The following SLC2A9 variants were observed in gnomAD, a reference collection of about 807,000 sequenced individuals.
The protein encoded by SLC2A9 is solute carrier family 2 member 9, also known as solute carrier family 2, facilitated glucose transporter member 9.
Under a neutral mutation model 50.6 loss-of-function variants are expected in SLC2A9, and 39 were observed. The observed-to-expected ratio is 0.77, with a 90% CI of 0.60 to 1.01. The LOEUF (loss-of-function observed/expected upper bound fraction) is 1.01. SLC2A9 is among the 50% of genes least tolerant of loss of function. SLC2A9 has a pLI of 0.00. For synonymous variants in SLC2A9, 324 were observed against 276.9 expected, an observed-to-expected ratio of 1.17 and a Z score of -1.69; for missense variants, 686 against 677.6, an observed-to-expected ratio of 1.01 and a Z score of -0.14.
chr4:9,893,094 T>C (rs950084965), intron 8 of SLC2A9, among the ~76,000 whole-genome samples: 1 of 152,218 alleles, frequency 6.6e-6, no homozygotes, highest in Admixed American at 6.5e-5. Context: ...TTTTCTGTTG[T>C]TGTGACATTA....
At chr4:10,007,099 G>A (rs954430149) in intron 2 of SLC2A9, among the ~76,000 whole-genome samples, 1 of 152,202 alleles carries the variant, frequency 6.6e-6, no homozygotes, top group African/African-American at 2.4e-5. Flanking sequence ...CCACCACTGT[G>A]ATCAGTCATA....
upstream of SLC2A9, among the ~76,000 whole-genome samples, chr4:10,024,815 G>A (rs1229371542): frequency 6.6e-6 from 1 of 152,240 alleles, no homozygotes; most frequent in Non-Finnish European, 1.5e-5. Flanking sequence ...GCAGGGAAGA[G>A]TTGGAAAAGA....
intron 5 of SLC2A9, among the ~76,000 whole-genome samples, chr4:9,959,305 T>C (rs1169810091): frequency 6.7e-6 from 1 of 149,688 alleles, no homozygotes; most frequent in Non-Finnish European, 1.5e-5. Flanking sequence ...GGCAGGAGAA[T>C]CACCTGAACC....
rs192087544 is a variant in SLC2A9 at position 9,832,322 on chromosome 4, C to G, written c.1419+2559G>C. 2.9e-3 allele frequency among the ~76,000 whole-genome samples: 444 copies of G among 152,282 alleles called. 2 individuals are homozygous for G. Among genetic ancestry groups the G allele is most frequent in the African/African-American group, 0.01 (419 of 41,556 alleles). On this transcript the variant is annotated intron_variant, in intron 11 of 11. Coordinates refer to ENST00000264784, the MANE Select transcript of SLC2A9 (RefSeq NM_020041.3). ...ATGCATTGATCATTGCTCACAGCAG[C>G]CCCCTGAGCCCAGCTCTCTAACTTG... is the stretch of plus-strand genomic sequence containing the variant.
intron 10 of SLC2A9, among the ~76,000 whole-genome samples, chr4:9,882,518 C>A (rs1337031609): frequency 1.3e-5 from 2 of 151,942 alleles, no homozygotes; most frequent in Non-Finnish European, 2.9e-5. Flanking sequence ...ACCATCCTGG[C>A]TAACACAGTG....
intron 4 of SLC2A9, among the ~76,000 whole-genome samples, chr4:9,981,233 T>A (rs796605560): frequency 6.1e-4 from 1 of 1,634 alleles, no homozygotes; most frequent in African/African-American, 2.2e-3. Context: ...TGGTGATGAC[T>A]GTGATGATGG....
At chr4:9,811,614 C>T (rs1189859675) in intron 3 of SLC2A9, among the ~76,000 whole-genome samples, 1 of 152,126 alleles carries the variant, frequency 6.6e-6, no homozygotes, top group Non-Finnish European at 1.5e-5. Flanking sequence ...CACCACCTGG[C>T]CACAAATGAC....
At chr4:9,824,043 C>T (rs929830226), downstream of SLC2A9, among the ~76,000 whole-genome samples, 6 of 152,064 alleles carry the variant, frequency 3.9e-5, no homozygotes, top group East Asian at 3.9e-4. Context: ...ATCCCCAATG[C>T]GGCAGTATTG....
At chr4:9,956,388 G>A (rs1578074337) in intron 5 of SLC2A9, among the ~76,000 whole-genome samples, 1 of 152,026 alleles carries the variant, frequency 6.6e-6, no homozygotes, top group Non-Finnish European at 1.5e-5. Flanking sequence ...GCTGAGGCAG[G>A]AGAATGGCGT....
At chr4:9,883,806 C>T (rs771147658) in intron 10 of SLC2A9, among the ~76,000 whole-genome samples, 6 of 152,174 alleles carry the variant, frequency 3.9e-5, no homozygotes, top group African/African-American at 9.7e-5. Context: ...CCTGCAAATA[C>T]GTCCTGACAA....
chr4:9,832,996 G>A (rs1015511805), intron 11 of SLC2A9, among the ~76,000 whole-genome samples: 1 of 152,190 alleles, frequency 6.6e-6, no homozygotes, highest in Non-Finnish European at 1.5e-5. Flanking sequence ...ATGTGAAGGT[G>A]CTGGAACTTC....
At position 9,985,811 on chromosome 4, in the gene SLC2A9, A is replaced by G; in HGVS notation, c.411-18T>C. On this transcript the variant is annotated intron_variant, in intron 3 of 11. Transcript: ENST00000264784. ...TGTGCTTCCTGGAAAGAAAGGAAAG[A>G]TTTGATGAAGATGTCTAACCATGAG... The G allele has an allele frequency of 6.2e-7, 1 of 1,613,928 alleles. No individual in the cohort carries two copies. The highest frequency in any genetic ancestry group is 1.1e-5 in the South Asian group (1 of 91,068).
chr4:9,924,293 C>G (rs971214661), intron 6 of SLC2A9: 1 of 152,308 alleles, frequency 6.6e-6, no homozygotes, highest in Admixed American at 6.5e-5. Context: ...CTTCCTACAC[C>G]CAGCACCCGT....
intron 4 of SLC2A9, among the ~76,000 whole-genome samples, chr4:9,983,225 G>A (rs1756179090): frequency 6.6e-6 from 1 of 152,192 alleles, no homozygotes; most frequent in Non-Finnish European, 1.5e-5. Flanking sequence ...GCCACGCCAG[G>A]TGGGAAAGAG....
chr4:9,925,405 G>A (rs560855253), intron 6 of SLC2A9, among the ~76,000 whole-genome samples: 55 of 152,226 alleles, frequency 3.6e-4, no homozygotes, highest in Non-Finnish European at 6.8e-4. Flanking sequence ...CCCTGGGAGC[G>A]CCCCCTGACC....
chr4:10,005,154 A>T lies in SLC2A9; in HGVS notation c.250-8213T>A, dbSNP rs138550267. Among the ~76,000 whole-genome samples, 315 of 152,360 alleles carry T rather than the reference A, an allele frequency of 2.1e-3. 1 individual carries two copies. The highest frequency in any genetic ancestry group is 3.7e-3 in the Non-Finnish European group (255 of 68,046). On this transcript the variant is annotated intron_variant, in intron 2 of 11. Coordinates refer to ENST00000264784, the MANE Select transcript of SLC2A9 (RefSeq NM_020041.3). ...GGAGACAGTAGTCAAGTAAACATAC[A>T]ATTATAACATGGAATAAAAATGCCA...
At chr4:9,803,685 ATAT>A (rs1721754961) in intron 3 of SLC2A9, among the ~76,000 whole-genome samples, 1 of 152,164 alleles carries the variant, frequency 6.6e-6, no homozygotes, top group Admixed American at 6.5e-5. Context: ...CTATCACTTG[ATAT>A]TATGTGTCTG....
chr4:9,971,221 C>T (rs1753868955), intron 5 of SLC2A9, among the ~76,000 whole-genome samples: 2 of 152,130 alleles, frequency 1.3e-5, no homozygotes, highest in African/African-American at 4.8e-5. Flanking sequence ...TTGTCATGAT[C>T]ATTTAATTAA....
At chr4:10,001,646 G>A (rs1759835196) in intron 2 of SLC2A9, among the ~76,000 whole-genome samples, 1 of 152,148 alleles carries the variant, frequency 6.6e-6, no homozygotes, top group Admixed American at 6.5e-5. Flanking sequence ...CCCTCACTGG[G>A]GCTACCAGGA....
Sources: allele counts gnomAD v4.1 joint callset (sites outside exome capture counted in the v4.1 genomes callset), GRCh38; gene constraint gnomAD v4.1.1; transcripts MANE v1.5; gene names NCBI Gene and HGNC (gene_info 2026-07-23, HGNC 2026-07-21).